The following CREB3L2 variants were observed in gnomAD, a reference collection of about 807,000 sequenced individuals.
The protein encoded by CREB3L2 is cyclic AMP-responsive element-binding protein 3-like protein 2.
A neutral mutation model predicts 57.2 loss-of-function variants in CREB3L2; 23 were observed. The ratio of observed to expected loss-of-function variants is 0.40; its 90% CI spans 0.29 to 0.57. The LOEUF is 0.57. Among genes scored for constraint, CREB3L2 ranks in the 20% least tolerant of loss-of-function variants. The pLI is 0.42. For synonymous variants in CREB3L2, 268 were observed against 265.1 expected (o/e 1.01, Z -0.11); for missense variants, 628 against 634.7 (o/e 0.99, Z 0.11).
chr7:137,896,497 C>A (rs937235199), intron 8 of CREB3L2, among the ~76,000 whole-genome samples: 3 of 152,160 alleles, frequency 2.0e-5, no homozygotes, highest in Non-Finnish European at 4.4e-5. Flanking sequence ...TATGGGGTTT[C>A]TCCATGTTGA....
Position 137,915,931 on chromosome 7 carries a change from G to A in CREB3L2, c.401C>T (p.Pro134Leu). 1 of 1,614,070 alleles carries A rather than the reference G, an allele frequency of 6.2e-7. No homozygotes were observed. The highest frequency in any genetic ancestry group is 8.5e-7 in the Non-Finnish European group (1 of 1,179,940). ...GACAGACGGAACGAGTCCTGGGGGT[G>A]GTTCGTCTGTAACTGGCTCTGTCTT... The part of the protein sequence containing the change: ...SIKTEPVTDE[P>L]PPGLVPSVTL... Residue 134 changes from proline to leucine, a missense_variant, in exon 3 of 12, where the codon CCA becomes CTA. This residue lies in a region of CREB3L2 where 339 missense variants were observed against 355.4 expected (regional missense o/e 0.95). Transcript: ENST00000330387.
At chr7:137,889,991 C>T (rs1204438649) in intron 8 of CREB3L2, among the ~76,000 whole-genome samples, 1 of 152,122 alleles carries the variant, frequency 6.6e-6, no homozygotes, top group African/African-American at 2.4e-5. Context: ...GTACCCTAAT[C>T]AATAACCTAC....
At chr7:137,987,377 A>G (rs573155604) in intron 1 of CREB3L2, among the ~76,000 whole-genome samples, 92 of 149,718 alleles carry the variant, frequency 6.1e-4, no homozygotes, top group African/African-American at 1.9e-3. Context: ...CGTTTGAATA[A>G]GTTTTCAGTA....
rs375770659 is a variant in CREB3L2 at position 137,880,576 on chromosome 7, G to A, written c.1488-25C>T. The stretch of plus-strand genomic sequence containing the variant: ...CCTGTGAAGGCATTAAAAGGAAAAC[G>A]AAGTATTAGTCACCAGCTGTTAGCT... On this transcript the variant is annotated intron_variant, in intron 11 of 11. Coordinates refer to ENST00000330387, the MANE Select transcript of CREB3L2 (RefSeq NM_194071.4). This position sits in a 1 kb window ranked among gnomAD's most constrained non-coding sequence, Gnocchi z 4.0. 40 of 1,562,376 alleles carry A rather than the reference G, an allele frequency of 2.6e-5. No individual in the cohort carries two copies. In the Middle Eastern group the frequency reaches 6.7e-4, roughly 26 times the overall value.
intron 4 of CREB3L2, among the ~76,000 whole-genome samples, 196 bp from the exon 5 acceptor site, chr7:137,908,632 T>C (rs1159958958): frequency 6.6e-6 from 1 of 152,048 alleles, no homozygotes; most frequent in Non-Finnish European, 1.5e-5. Context: ...CACATTTGCT[T>C]ATACTGGCAG....
intron 5 of CREB3L2, among the ~76,000 whole-genome samples, chr7:137,906,202 T>G (rs1176655081): frequency 6.6e-6 from 1 of 152,204 alleles, no homozygotes; most frequent in East Asian, 1.9e-4. Flanking sequence ...GATGAAGGAT[T>G]CATTTGCAGC....
rs762262237 is a variant in CREB3L2, at chr7:137,901,806, G to A, written c.975-384C>T. On this transcript the variant is annotated intron_variant, in intron 7 of 11. Coordinates refer to ENST00000330387, the MANE Select transcript of CREB3L2 (RefSeq NM_194071.4). ...AGGCAGGAGAATCGCTTGAACCCAG[G>A]AGTCAGATGTTGCAGTGAGCCAAGA... 2.9e-4 allele frequency among the ~76,000 whole-genome samples: 40 copies of A among 138,440 alleles called. 1 individual carries two copies. In the Admixed American group the frequency reaches 3.0e-3, roughly 10 times the overall value. 90.8% of individuals were successfully genotyped at this position (138,440 alleles called of 152,430 possible). A position where few individuals can be genotyped will look rare whatever the true frequency, so the allele number is the denominator to read the frequency against.
intron 3 of CREB3L2, among the ~76,000 whole-genome samples, chr7:137,914,673 G>A (rs1244317837): frequency 2.0e-5 from 3 of 152,020 alleles, no homozygotes. Flanking sequence ...ATTCTGTGGA[G>A]CAAGGAGACT....
At position 138,001,556 on chromosome 7, in the gene CREB3L2, C is replaced by G; in HGVS notation, c.102+48G>C. 7.0e-7 allele frequency: 1 copy of G among 1,428,168 alleles called. No individual in the cohort carries two copies. The highest frequency in any genetic ancestry group is 1.2e-5 in the South Asian group (1 of 81,514). The allele number at this position is 1,428,168 out of a possible 1,614,324, so 88.5% of individuals were successfully genotyped here. ...ACTCCAGCTGCTCCTCGCGTGACAACACTTGCCCGCTTTGAAAGCCCTCCT... is the reference window on the plus strand; with the variant it reads ...ACTCCAGCTGCTCCTCGCGTGACAAGACTTGCCCGCTTTGAAAGCCCTCCT... On this transcript the variant is annotated intron_variant, in intron 1 of 11. Transcript: ENST00000330387. The surrounding 1 kb of genome is among the most constrained non-coding windows in gnomAD (Gnocchi z 4.2).
chr7:137,947,802 T>TTC (rs1355284913), intron 1 of CREB3L2, among the ~76,000 whole-genome samples: 1 of 152,206 alleles, frequency 6.6e-6, no homozygotes, highest in Non-Finnish European at 1.5e-5. Flanking sequence ...TAAGACACAT[T>TTC]TCTTAACTGA....
intron 1 of CREB3L2, among the ~76,000 whole-genome samples, chr7:137,938,237 C>G (rs1052372381): frequency 1.3e-5 from 2 of 152,190 alleles, no homozygotes; most frequent in African/African-American, 4.8e-5. Context: ...TAGATGTTGA[C>G]AGTGGCGGAG....
At chr7:137,899,351 A>T (rs762841631) in intron 8 of CREB3L2, among the ~76,000 whole-genome samples, 16 of 152,218 alleles carry the variant, frequency 1.1e-4, no homozygotes, top group Non-Finnish European at 2.1e-4. Context: ...ACCTGAACAC[A>T]AACTCCAAGG....
At chr7:137,976,756 G>C (rs912040935) in intron 1 of CREB3L2, among the ~76,000 whole-genome samples, 5 of 152,152 alleles carry the variant, frequency 3.3e-5, no homozygotes, top group African/African-American at 1.2e-4. Flanking sequence ...TGGGGCTCAG[G>C]CATTAGTATT....
At chr7:137,998,409 C>T (rs1802025236) in intron 1 of CREB3L2, among the ~76,000 whole-genome samples, 1 of 152,220 alleles carries the variant, frequency 6.6e-6, no homozygotes, top group East Asian at 1.9e-4. Context: ...CCACTGTCAG[C>T]CTCATTTAAA....
chr7:137,885,436 C>T lies in CREB3L2; in HGVS notation c.1110G>A (p.Lys370=). ...LVMGKVSRTC[K]LAGTQTGTCL... ...AGGTGCCAGTCTGCGTGCCAGCTAA[C>T]TTGCAGGTTCGAGAAACCTTGCCCA... is the stretch of plus-strand genomic sequence containing the variant. The change falls in exon 9 of 12, where the codon AAG becomes AAA. Residue 370 remains lysine, a synonymous_variant. Transcript: ENST00000330387. 1.2e-6 allele frequency: 2 copies of T among 1,614,210 alleles called. No individual in the cohort carries two copies. Among genetic ancestry groups the T allele is most frequent in the Non-Finnish European group, 1.7e-6 (2 of 1,180,028 alleles).
intron 1 of CREB3L2, among the ~76,000 whole-genome samples, chr7:137,994,939 C>T (rs1195840157): frequency 6.6e-6 from 1 of 152,214 alleles, no homozygotes; most frequent in Non-Finnish European, 1.5e-5. Context: ...GAATTGTTAA[C>T]TCAGACTATT....
At chr7:137,946,145 T>C (rs1800969520) in intron 1 of CREB3L2, among the ~76,000 whole-genome samples, 1 of 152,140 alleles carries the variant, frequency 6.6e-6, no homozygotes, top group Admixed American at 6.6e-5. Flanking sequence ...TGCTCCCTGC[T>C]GTAACATGCT....
Position 137,977,695 on chromosome 7 carries a change from C to T in CREB3L2, c.102+23909G>A, listed in dbSNP as rs762233365. 5.3e-5 allele frequency among the ~76,000 whole-genome samples: 8 copies of T among 152,082 alleles called. No individual in the cohort carries two copies. In the East Asian group the frequency reaches 7.7e-4, roughly 15 times the overall value. Reference sequence around the variant, plus strand: ...CAGCACTTTGGGAGGCTGAGGTGGGCGGATCACTTGAAGTCAGGAGTTCGA... The same window carrying T: ...CAGCACTTTGGGAGGCTGAGGTGGGTGGATCACTTGAAGTCAGGAGTTCGA... On this transcript the variant is annotated intron_variant, in intron 1 of 11. Coordinates refer to ENST00000330387, the MANE Select transcript of CREB3L2 (RefSeq NM_194071.4).
At chr7:137,961,646 G>A (rs1469661866) in intron 1 of CREB3L2, among the ~76,000 whole-genome samples, 1 of 152,048 alleles carries the variant, frequency 6.6e-6, no homozygotes, top group African/African-American at 2.4e-5. Context: ...CCATTTCTAT[G>A]CCAGACAGTC....
Sources: allele counts gnomAD v4.1 joint callset (sites outside exome capture counted in the v4.1 genomes callset), GRCh38; gene constraint gnomAD v4.1.1; regional missense constraint gnomAD v4.1.1; non-coding constraint Gnocchi (gnomAD v3.1); transcripts MANE v1.5; gene names NCBI Gene and HGNC (gene_info 2026-07-23, HGNC 2026-07-21).